The following LYPD6B variants were observed in gnomAD, a reference collection of about 807,000 sequenced individuals.
LYPD6B encodes LY6/PLAUR domain containing 6B, also known as ly6/PLAUR domain-containing protein 6B.
In LYPD6B, 17 loss-of-function variants were observed where a neutral mutation model predicts 22.8. The ratio of observed to expected loss-of-function variants is 0.75; its 90% CI spans 0.51 to 1.12. The LOEUF (loss-of-function observed/expected upper bound fraction) is 1.12. LYPD6B is among the 50% of genes most tolerant of loss of function. The pLI, the probability that LYPD6B is intolerant of heterozygous loss-of-function variation, is 0.00. For synonymous variants in LYPD6B, 106 were observed against 91.6 expected, an observed-to-expected ratio of 1.16 and a Z score of -0.90; for missense variants, 221 against 258.3, an observed-to-expected ratio of 0.86 and a Z score of 0.99.
chr2:149,194,567 C>T (rs1049205269), intron 3 of LYPD6B, among the ~76,000 whole-genome samples: 46 of 152,208 alleles, frequency 3.0e-4, no homozygotes, highest in African/African-American at 1.1e-3. Context: ...AAACAGTTAC[C>T]AGAATCTAGG....
intron 1 of LYPD6B, among the ~76,000 whole-genome samples, chr2:149,072,482 TTTTTA>T (rs59980462): frequency 0.072 from 9,401 of 129,786 alleles, 380 homozygotes; most frequent in Admixed American, 0.12. Flanking sequence ...AGGGTGGTTA[TTTTTA>T]TTTTATTTTA....
At chr2:149,141,275 G>A (rs929063629) in intron 2 of LYPD6B, among the ~76,000 whole-genome samples, 4 of 152,190 alleles carry the variant, frequency 2.6e-5, no homozygotes, top group South Asian at 2.1e-4. Flanking sequence ...GGAACCATGC[G>A]TGCAAAGTCC....
intron 1 of LYPD6B, among the ~76,000 whole-genome samples, chr2:149,092,080 C>T (rs904458675): frequency 6.6e-6 from 1 of 151,744 alleles, no homozygotes; most frequent in Non-Finnish European, 1.5e-5. Flanking sequence ...GCCTAATAGA[C>T]TGGGAGAAAT....
chr2:149,100,518 C>A (rs1274988826), intron 1 of LYPD6B, among the ~76,000 whole-genome samples: 17 of 150,614 alleles, frequency 1.1e-4, no homozygotes. Flanking sequence ...CACAGAGGAC[C>A]TTTGCTTTTA....
At chr2:149,150,713 T>C (rs1689311764) in intron 2 of LYPD6B, among the ~76,000 whole-genome samples, 1 of 152,122 alleles carries the variant, frequency 6.6e-6, no homozygotes, top group Non-Finnish European at 1.5e-5. Flanking sequence ...TGGAGACTCA[T>C]GTACTTTAGT....
At chr2:149,206,519 C>T (rs191507972) in intron 4 of LYPD6B, among the ~76,000 whole-genome samples, 7 of 152,188 alleles carry the variant, frequency 4.6e-5, no homozygotes, top group Admixed American at 3.9e-4. Flanking sequence ...GCACAGACAT[C>T]ATTTTCATAG....
intron 1 of LYPD6B, among the ~76,000 whole-genome samples, chr2:149,100,416 C>CAAAAAAAAAAAAAAA (rs58068035): frequency 1.5e-5 from 1 of 67,964 alleles, no homozygotes; most frequent in Non-Finnish European, 2.6e-5. Context: ...TTGGCTTTGA[C>CAAAAAAAAAAAAAAA]AAAAAAAAAA....
intron 3 of LYPD6B, among the ~76,000 whole-genome samples, chr2:149,168,423 C>T (rs1382906506): frequency 1.3e-5 from 2 of 152,070 alleles, no homozygotes; most frequent in Non-Finnish European, 2.9e-5. Flanking sequence ...ACAATCCAAC[C>T]AAAGCATCAC....
In LYPD6B at chr2:149,212,148, C is replaced by T. The variant is rs573995655; in HGVS notation, c.329-844C>T. On this transcript the variant is annotated intron_variant, in intron 5 of 6. Coordinates refer to ENST00000409642, the MANE Select transcript of LYPD6B (RefSeq NM_177964.5). ...ATCCCAGCACTTTGGGAGGCCGAGG[C>T]GGGCGGATCATGAGGTCAGGAGATC... Among the ~76,000 whole-genome samples the T allele has an allele frequency of 2.6e-5, 4 of 151,316 alleles. No individual in the cohort carries two copies. The East Asian group carries it at 5.9e-4, about 22-fold the overall frequency.
intron 3 of LYPD6B, among the ~76,000 whole-genome samples, chr2:149,168,632 C>T (rs1175446356): frequency 2.0e-5 from 3 of 152,172 alleles, no homozygotes; most frequent in African/African-American, 7.2e-5. Context: ...TGCCTGTTCT[C>T]TGAATGTAGG....
intron 1 of LYPD6B, among the ~76,000 whole-genome samples, chr2:149,079,262 T>G (rs1685014446): frequency 6.6e-6 from 1 of 152,088 alleles, no homozygotes; most frequent in African/African-American, 2.4e-5. Flanking sequence ...ATGAGAGCAT[T>G]TCTGTTTCAT....
intron 1 of LYPD6B, among the ~76,000 whole-genome samples, chr2:149,051,761 G>T (rs1346557040): frequency 1.3e-5 from 2 of 151,968 alleles, no homozygotes; most frequent in Admixed American, 6.6e-5. Flanking sequence ...CTGCTCCTGG[G>T]TTTAAGCGAT....
At chr2:149,184,634 G>T (rs1691972562) in intron 3 of LYPD6B, among the ~76,000 whole-genome samples, 1 of 152,208 alleles carries the variant, frequency 6.6e-6, no homozygotes, top group African/African-American at 2.4e-5. Flanking sequence ...AATGTTGATT[G>T]TTGCTTGGCT....
intron 3 of LYPD6B, among the ~76,000 whole-genome samples, chr2:149,192,245 C>T (rs1692539485): frequency 6.6e-6 from 1 of 152,084 alleles, no homozygotes; most frequent in Non-Finnish European, 1.5e-5. Context: ...TTTTCTCAGC[C>T]TTCTTTCCAG....
intron 1 of LYPD6B, among the ~76,000 whole-genome samples, chr2:149,122,090 C>G (rs1003130622): frequency 4.6e-5 from 7 of 152,168 alleles, no homozygotes; most frequent in African/African-American, 1.7e-4. Context: ...AGTGGAATCT[C>G]AAGCATGGTT....
At chr2:149,180,874 CT>C (rs1295398419) in intron 3 of LYPD6B, among the ~76,000 whole-genome samples, 2 of 152,198 alleles carry the variant, frequency 1.3e-5, no homozygotes, top group Non-Finnish European at 2.9e-5. Flanking sequence ...ATTTGATGTA[CT>C]TTAAAAAGGC....
At chr2:149,066,418 C>T (rs1209572512) in intron 1 of LYPD6B, among the ~76,000 whole-genome samples, 1 of 149,182 alleles carries the variant, frequency 6.7e-6, no homozygotes. Context: ...TGAGTGAGAA[C>T]ATGCAGTGTT....
At chr2:149,155,408 G>A (rs949988430) in intron 2 of LYPD6B, among the ~76,000 whole-genome samples, 14 of 152,290 alleles carry the variant, frequency 9.2e-5, no homozygotes, top group African/African-American at 2.9e-4. Context: ...ATTGCCCTGC[G>A]GCTGGAATGT....
At chr2:149,213,676 C>A (rs890575739) in intron 6 of LYPD6B, among the ~76,000 whole-genome samples, 58 of 152,306 alleles carry the variant, frequency 3.8e-4, no homozygotes, top group African/African-American at 1.4e-3. Flanking sequence ...GTAATAAGTA[C>A]AGAAAATGAT....
Sources: allele counts gnomAD v4.1 joint callset (sites outside exome capture counted in the v4.1 genomes callset), GRCh38; gene constraint gnomAD v4.1.1; transcripts MANE v1.5; gene names NCBI Gene and HGNC (gene_info 2026-07-23, HGNC 2026-07-21).